Variants in POF1B observed in about 807,000 individuals in gnomAD.
POF1B encodes the protein POF1B actin binding protein, also known as protein POF1B.
In POF1B, 53 loss-of-function variants were observed where a neutral mutation model predicts 55.3. The observed-to-expected ratio is 0.96, with a 90% CI of 0.77 to 1.20. The LOEUF is 1.20. POF1B is among the 50% of genes most tolerant of loss of function. POF1B has a pLI of 0.00. For missense variants in POF1B, 478 were observed against 420.5 expected (o/e 1.14, Z -1.20); for synonymous variants, 188 against 148.3 (o/e 1.27, Z -1.95).
At chrX:85,323,521 A>G (rs1339717244) in intron 7 of POF1B, among the ~76,000 whole-genome samples, 1 of 108,695 alleles carries the variant, frequency 9.2e-6, no homozygotes, top group Non-Finnish European at 1.9e-5. Context: ...GGTGCAGCAC[A>G]CCAGCATGGC....
At position 85,345,938 on chromosome X, in the gene POF1B, G is replaced by A; in HGVS notation, c.645C>T (p.Ala215=). 1 of 1,208,253 alleles carries A rather than the reference G, an allele frequency of 8.3e-7. No individual in the cohort carries two copies. Among genetic ancestry groups the A allele is most frequent in the South Asian group, 1.8e-5 (1 of 56,712 alleles). The change falls in exon 6 of 17, where the codon GCC becomes GCT. Residue 215 remains alanine, a synonymous_variant. Coordinates refer to ENST00000262753, the MANE Select transcript of POF1B (RefSeq NM_024921.4). ...TAGAAATTGGATTATTTCCTGTGAT[G>A]GCTTGGATTTGCTGGCTAGAATCAG... The part of the protein sequence containing the change: ...QQPDSSQQIQ[A]ITGNNPISTH...
At chrX:85,326,502 GC>G (rs371576884) in intron 7 of POF1B, among the ~76,000 whole-genome samples, 56 of 110,268 alleles carry the variant, frequency 5.1e-4, no homozygotes, top group African/African-American at 1.8e-3. Flanking sequence ...GCTGGTGGGT[GC>G]TAGACTAGTG....
At chrX:85,299,851 G>A in intron 15 of POF1B, among the ~76,000 whole-genome samples, 1 of 112,387 alleles carries the variant, frequency 8.9e-6, no homozygotes, top group Non-Finnish European at 1.9e-5. Flanking sequence ...GCAGCAACTA[G>A]AAGACAAAAC....
chrX:85,360,530 T>TGG (rs59557544), intron 3 of POF1B, among the ~76,000 whole-genome samples: 1 of 20,644 alleles, frequency 4.8e-5, no homozygotes, highest in Non-Finnish European at 1.1e-4. Context: ...ATGGTATGTA[T>TGG]ATATATATAT....
At chrX:85,280,580 C>G (rs1192242186) in intron 16 of POF1B, among the ~76,000 whole-genome samples, 1 of 111,474 alleles carries the variant, frequency 9.0e-6, no homozygotes, top group Non-Finnish European at 1.9e-5. Context: ...ATAACCATTT[C>G]TTCATTTAAT....
At chrX:85,346,523 C>T (rs1933274438) in intron 5 of POF1B, among the ~76,000 whole-genome samples, 1 of 109,857 alleles carries the variant, frequency 9.1e-6, no homozygotes. Context: ...CCTTATGAAA[C>T]TTAAGGATAA....
Position 85,279,476 on chromosome X carries a change from CATT to C in POF1B, c.1765-53_1765-51del, listed in dbSNP as rs363789. Reference sequence around the variant, plus strand: ...CTTACAACTGGTTCATAATTAAAGTCATTGTTACTATATGCAAAGTTATGGAAA... The same window carrying C: ...CTTACAACTGGTTCATAATTAAAGTCGTTACTATATGCAAAGTTATGGAAA... On this transcript the variant is annotated intron_variant, in intron 16 of 16. Transcript: ENST00000262753. The C allele has an allele frequency of 0.02, 21,863 of 1,103,733 alleles. 1,669 individuals are homozygous for C. In the African/African-American group the frequency reaches 0.27, roughly 13 times the overall value. The allele number at this position is 1,103,733 out of a possible 1,213,427, so 91.0% of individuals were successfully genotyped here. A position where few individuals can be genotyped will look rare whatever the true frequency, so the allele number is the denominator to read the frequency against.
chrX:85,288,761 C>T (rs772080725), intron 15 of POF1B, among the ~76,000 whole-genome samples: 29 of 110,852 alleles, frequency 2.6e-4, no homozygotes, highest in African/African-American at 9.5e-4. Context: ...TTTCTCTTGC[C>T]ACTGCCATGT....
chrX:85,361,059 C>G (rs1216831080), intron 3 of POF1B, among the ~76,000 whole-genome samples: 2 of 111,305 alleles, frequency 1.8e-5, no homozygotes, highest in Non-Finnish European at 3.8e-5. Context: ...CCTTTGCCTA[C>G]TTTTTAATCG....
At chrX:85,335,107 T>A in intron 6 of POF1B, among the ~76,000 whole-genome samples, 1 of 111,373 alleles carries the variant, frequency 9.0e-6, no homozygotes, top group Non-Finnish European at 1.9e-5. Context: ...CTTAAATGTG[T>A]GCATGTTTCA....
intron 2 of POF1B, among the ~76,000 whole-genome samples, chrX:85,374,396 T>C (rs1933886424): frequency 8.9e-6 from 1 of 111,880 alleles, no homozygotes; most frequent in Admixed American, 9.5e-5. Context: ...CTCAAAAGCC[T>C]GGTGTAAGAC....
Position 85,288,162 on chromosome X carries a change from G to GAAAAACTACT in POF1B, c.1650-5855_1650-5846dup, listed in dbSNP as rs762347933. Among the ~76,000 whole-genome samples, 333 of 111,414 alleles carry GAAAAACTACT rather than the reference G, an allele frequency of 3.0e-3. 1 individual carries two copies. Among genetic ancestry groups the GAAAAACTACT allele is most frequent in the African/African-American group, 0.01 (317 of 30,699 alleles). On this transcript the variant is annotated intron_variant, in intron 15 of 16. Coordinates refer to ENST00000262753, the MANE Select transcript of POF1B (RefSeq NM_024921.4). Reference sequence around the variant, plus strand: ...GGACAGCAAGTAGAAAAATATTCAAGAAAAACTACTAAACCTTGTTAAGAA... The same window carrying GAAAAACTACT: ...GGACAGCAAGTAGAAAAATATTCAAGAAAAACTACTAAAAACTACTAAACCTTGTTAAGAA...
chrX:85,328,666 G>A (rs923326451), intron 7 of POF1B, among the ~76,000 whole-genome samples: 1 of 110,813 alleles, frequency 9.0e-6, no homozygotes, highest in Non-Finnish European at 1.9e-5. Flanking sequence ...CCTCTGAAGA[G>A]CGTGTTGCTG....
At chrX:85,325,717 C>T (rs1304519073) in intron 7 of POF1B, among the ~76,000 whole-genome samples, 1 of 111,986 alleles carries the variant, frequency 8.9e-6, no homozygotes, top group Non-Finnish European at 1.9e-5. Flanking sequence ...TGCTGGGGCA[C>T]TAGTGCAATC....
rs918167724 is a variant in POF1B, at chrX:85,345,861, T to A, written c.722A>T (p.Gln241Leu). The A allele has an allele frequency of 1.0e-5, 12 of 1,195,790 alleles. No individual in the cohort carries two copies. Among genetic ancestry groups the A allele is most frequent in the Non-Finnish European group, 1.4e-5 (12 of 886,616 alleles). ...AAGGAATCAGCTGATTGATCTTACCTGCTCACAAATCTGGCTTGATCCACT... is the reference window on the plus strand; with the variant it reads ...AAGGAATCAGCTGATTGATCTTACCAGCTCACAAATCTGGCTTGATCCACT... ...CHSGSSQICE[Q>L]VIIQDDGPEK... Residue 241 changes from glutamine to leucine, a missense_variant and splice_region_variant, in exon 6 of 17, where the codon CAG (glutamine) becomes CTG (leucine). Gln to Leu is a moderately radical substitution (Grantham distance 113). Coordinates refer to ENST00000262753, the MANE Select transcript of POF1B (RefSeq NM_024921.4).
At chrX:85,299,787 C>T (rs754146649) in intron 15 of POF1B, among the ~76,000 whole-genome samples, 4 of 112,044 alleles carry the variant, frequency 3.6e-5, no homozygotes, top group Admixed American at 9.4e-5. Context: ...GGATTACAGG[C>T]GTGAGCCACC....
At chrX:85,315,136 A>T (rs993227065) in intron 8 of POF1B, among the ~76,000 whole-genome samples, 3 of 111,549 alleles carry the variant, frequency 2.7e-5, no homozygotes, top group African/African-American at 9.7e-5. Flanking sequence ...AATGATTAAA[A>T]ACACTAAAGA....
At chrX:85,288,787 AC>A (rs1261424761) in intron 15 of POF1B, among the ~76,000 whole-genome samples, 1 of 108,414 alleles carries the variant, frequency 9.2e-6, no homozygotes, top group African/African-American at 3.4e-5. Flanking sequence ...AGTGCCTTTC[AC>A]CTCCCGCCAT....
chrX:85,344,320 A>G (rs967100602), intron 6 of POF1B, among the ~76,000 whole-genome samples: 2 of 111,529 alleles, frequency 1.8e-5, no homozygotes, highest in African/African-American at 6.5e-5. Flanking sequence ...TCCATGCAAT[A>G]TCACAATACC....
Sources: gnomAD v4.1 joint callset for allele counts (sites outside exome capture counted in the v4.1 genomes callset) on GRCh38, gnomAD v4.1.1 for gene constraint, MANE v1.5 for transcripts, NCBI Gene and HGNC (gene_info 2026-07-23, HGNC 2026-07-21) for gene names.